SFMBT2: variants seen among roughly 807,000 people sequenced by gnomAD.
SFMBT2 encodes the protein scm-like with four MBT domains protein 2.
SFMBT2 carries 38 observed loss-of-function variants against 110.1 expected under a neutral mutation model. That is an observed-to-expected ratio of 0.35 (90% confidence interval 0.27 to 0.45). The LOEUF (loss-of-function observed/expected upper bound fraction) is 0.45, where lower values mean the gene tolerates loss of function less well. Ranked by LOEUF, SFMBT2 falls within the 20% of genes least tolerant of loss-of-function variation. The pLI is 1.00. For synonymous variants in SFMBT2, 425 were observed against 425.4 expected (o/e 1.00, Z 0.01); for missense variants, 1,011 against 1,094.9 (o/e 0.92, Z 1.08).
At chr10:7,178,294 T>C (rs1314436739) in intron 16 of SFMBT2, among the ~76,000 whole-genome samples, 3 of 152,156 alleles carry the variant, frequency 2.0e-5, no homozygotes, top group Non-Finnish European at 1.5e-5. Context: ...GTCTCTGATC[T>C]TAGAGGAAAC....
intron 7 of SFMBT2, chr10:7,264,309 C>T (rs544067180): frequency 1.2e-4 from 23 of 199,148 alleles, no homozygotes; most frequent in East Asian, 7.4e-4. Context: ...CCTTTATTTA[C>T]GGATTTCCAG....
At position 7,163,771 on chromosome 10, in the gene SFMBT2, C is replaced by T; in HGVS notation, c.2684G>A (p.Ter895=). 1 of 1,613,854 alleles carries T rather than the reference C, an allele frequency of 6.2e-7. No homozygotes were observed. Among genetic ancestry groups the T allele is most frequent in the Middle Eastern group, 1.6e-4 (1 of 6,062 alleles). Residue 895 remains the stop codon, a stop_retained_variant, in exon 21 of 21, where the codon TGA becomes TAA. Coordinates refer to ENST00000397167, the MANE Select transcript of SFMBT2 (RefSeq NM_001387889.1). This position sits in a 1 kb window ranked among gnomAD's most constrained non-coding sequence, Gnocchi z 4.8. The part of the protein sequence containing the change: ...KVAFYAQYAN[*] ...ATGGGCCACCTCCCGAGGGCAGACT[C>T]AGTTGGCGTACTGGGCGTAGAAAGC...
rs753709616 is a variant in SFMBT2, at chr10:7,205,847, G to A, written c.1412C>T (p.Ser471Phe). Residue 471 changes from serine to phenylalanine, a missense_variant, in exon 12 of 21, where the codon TCT becomes TTT. By Grantham distance (155) the Ser-to-Phe change is radical (BLOSUM62 -2). Around this residue, in one of 2 missense-constraint regions of SFMBT2, gnomAD observed 979 missense variants for 1,016.1 expected, o/e 0.96. Coordinates refer to ENST00000397167, the MANE Select transcript of SFMBT2 (RefSeq NM_001387889.1). ...TTTGTGTGGTGCAGTCAAAGGATAA[G>A]AATTGGCTTCACACCAGCCCACTGG... The part of the protein sequence containing the change: ...IFPVGWCEAN[S>F]YPLTAPHKTV... The A allele has an allele frequency of 6.2e-7, 1 of 1,614,076 alleles. No individual in the cohort carries two copies. The highest frequency in any genetic ancestry group is 8.5e-7 in the Non-Finnish European group (1 of 1,179,974).
At chr10:7,191,434 C>T (rs923682302) in intron 15 of SFMBT2, among the ~76,000 whole-genome samples, 1 of 152,000 alleles carries the variant, frequency 6.6e-6, no homozygotes, top group African/African-American at 2.4e-5. Flanking sequence ...TCCCAACAAC[C>T]GCCAGGGCGA....
intron 1 of SFMBT2, among the ~76,000 whole-genome samples, chr10:7,396,202 T>C (rs796393984): frequency 4.6e-5 from 7 of 152,294 alleles, no homozygotes; most frequent in Admixed American, 1.3e-4. Context: ...TGAGCCAAGA[T>C]TGCGCCACTG....
At chr10:7,318,895 G>T (rs1055022580) in intron 4 of SFMBT2, among the ~76,000 whole-genome samples, 1 of 152,224 alleles carries the variant, frequency 6.6e-6, no homozygotes, top group Non-Finnish European at 1.5e-5. Flanking sequence ...TAAAGGAATT[G>T]AGAGTAAACC....
At chr10:7,352,769 T>C (rs930848406) in intron 4 of SFMBT2, among the ~76,000 whole-genome samples, 25 of 152,210 alleles carry the variant, frequency 1.6e-4, no homozygotes, top group African/African-American at 6.0e-4. Context: ...CCCAGCACTT[T>C]GGGAGGCCGG....
intron 16 of SFMBT2, among the ~76,000 whole-genome samples, chr10:7,186,254 T>C (rs939149359): frequency 6.6e-6 from 1 of 151,920 alleles, no homozygotes; most frequent in Non-Finnish European, 1.5e-5. Flanking sequence ...AAATCCTAGA[T>C]GCCAAATGAG....
chr10:7,370,215 T>C, intron 3 of SFMBT2, 66 bp downstream of exon 3: 1 of 1,421,934 alleles, frequency 7.0e-7, no homozygotes, highest in East Asian at 2.3e-5. Context: ...TTCTCCGGCT[T>C]CTCCCTATAG....
intron 11 of SFMBT2, among the ~76,000 whole-genome samples, chr10:7,213,832 G>A (rs948196052): frequency 3.3e-5 from 5 of 152,132 alleles, no homozygotes; most frequent in Non-Finnish European, 7.4e-5. Context: ...CCATGGGCAT[G>A]GGCACTCAGA....
At chr10:7,372,495 C>T (rs903428278) in intron 2 of SFMBT2, among the ~76,000 whole-genome samples, 2 of 152,174 alleles carry the variant, frequency 1.3e-5, no homozygotes, top group Non-Finnish European at 2.9e-5. Flanking sequence ...TCGGTCCCAC[C>T]CAGGGATTGA....
At chr10:7,327,668 G>A (rs980568804) in intron 4 of SFMBT2, among the ~76,000 whole-genome samples, 10 of 148,334 alleles carry the variant, frequency 6.7e-5, no homozygotes, top group East Asian at 2.0e-4. Flanking sequence ...GAGACAGAGC[G>A]AGACTCTAAC....
At chr10:7,340,562 A>T (rs184944488) in intron 4 of SFMBT2, among the ~76,000 whole-genome samples, 27 of 148,990 alleles carry the variant, frequency 1.8e-4, no homozygotes, top group Admixed American at 1.8e-3. Context: ...GCAAAGCAGG[A>T]GGATGGCTTG....
intron 2 of SFMBT2, among the ~76,000 whole-genome samples, chr10:7,380,200 A>G (rs1006935541): frequency 6.6e-6 from 1 of 152,264 alleles, no homozygotes; most frequent in African/African-American, 2.4e-5. Context: ...CTTTCAGCCT[A>G]TACAACTATG....
chr10:7,334,040 A>T (rs1843641983), intron 4 of SFMBT2, among the ~76,000 whole-genome samples: 1 of 152,250 alleles, frequency 6.6e-6, no homozygotes, highest in South Asian at 2.1e-4. Flanking sequence ...CTGACAAAGC[A>T]GACACACACA....
At chr10:7,201,362 G>A (rs777526398) in intron 13 of SFMBT2, among the ~76,000 whole-genome samples, 3 of 152,214 alleles carry the variant, frequency 2.0e-5, no homozygotes, top group Non-Finnish European at 4.4e-5. Context: ...ACTGATGCAT[G>A]AGAAAGGTGA....
At chr10:7,384,281 T>C (rs911861723) in intron 1 of SFMBT2, among the ~76,000 whole-genome samples, 5 of 105,774 alleles carry the variant, frequency 4.7e-5, no homozygotes, top group African/African-American at 1.9e-4. Flanking sequence ...TGAAGAGAAA[T>C]GGACATGACG....
intron 6 of SFMBT2, among the ~76,000 whole-genome samples, chr10:7,278,677 A>G (rs1445290135): frequency 6.6e-6 from 1 of 152,202 alleles, no homozygotes; most frequent in African/African-American, 2.4e-5. Flanking sequence ...CAACAGGTGC[A>G]AAAAGGAAAA....
intron 16 of SFMBT2, among the ~76,000 whole-genome samples, chr10:7,186,840 G>C (rs1327164119): frequency 6.6e-6 from 1 of 152,216 alleles, no homozygotes; most frequent in Non-Finnish European, 1.5e-5. Flanking sequence ...TGACTGTAAA[G>C]CTGTCATCAT....
Sources: gnomAD v4.1 joint callset for allele counts (sites outside exome capture counted in the v4.1 genomes callset) on GRCh38, gnomAD v4.1.1 for gene constraint, gnomAD v4.1.1 regional missense constraint, Gnocchi (gnomAD v3.1) non-coding constraint, MANE v1.5 for transcripts, NCBI Gene and HGNC (gene_info 2026-07-23, HGNC 2026-07-21) for gene names.